The following NUP160 variants were observed in gnomAD, a reference collection of about 807,000 sequenced individuals.
The protein encoded by NUP160 is nuclear pore complex protein Nup160.
Under a neutral mutation model 196.9 loss-of-function variants are expected in NUP160, and 94 were observed. That is an observed-to-expected ratio of 0.48 (90% CI 0.40 to 0.57). The LOEUF is 0.57. Among genes scored for constraint, NUP160 ranks in the 20% least tolerant of loss-of-function variants. NUP160 has a pLI of 0.00. For missense variants in NUP160, 1,638 were observed against 1,748.3 expected, an observed-to-expected ratio of 0.94 and a Z score of 1.13; for synonymous variants, 605 against 619.7, an observed-to-expected ratio of 0.98 and a Z score of 0.35.
chr11:47,821,671 T>G (rs900566667), intron 9 of NUP160, 53 bp downstream of exon 9: 2 of 1,356,176 alleles, frequency 1.5e-6, no homozygotes, highest in Non-Finnish European at 2.1e-6. Context: ...CTCGTCTTCT[T>G]AGCATGAAAT....
chr11:47,824,478 C>G (rs917064992), intron 7 of NUP160, among the ~76,000 whole-genome samples: 2 of 151,848 alleles, frequency 1.3e-5, no homozygotes, highest in South Asian at 2.1e-4. Context: ...GGCGCAGTGG[C>G]ACGTACCTGT....
chr11:47,789,938 A>G (rs1158807362), intron 29 of NUP160, among the ~76,000 whole-genome samples: 1 of 145,208 alleles, frequency 6.9e-6, no homozygotes, highest in African/African-American at 2.5e-5. Context: ...TATTTTATAT[A>G]CTGTACTTTT....
At chr11:47,802,604 C>T (rs904404865) in intron 22 of NUP160, among the ~76,000 whole-genome samples, 3 of 152,018 alleles carry the variant, frequency 2.0e-5, no homozygotes, top group Non-Finnish European at 4.4e-5. Context: ...TGTAATAGAA[C>T]ATCAGGGAAA....
intron 11 of NUP160, 27 bp from the exon 12 acceptor site, chr11:47,816,056 C>A: frequency 6.7e-7 from 1 of 1,487,808 alleles, no homozygotes; most frequent in Non-Finnish European, 9.4e-7. Flanking sequence ...TTTTAGACTT[C>A]TATATAATAG....
At chr11:47,806,351 A>G (rs1253507279) in intron 19 of NUP160, 39 bp from the exon 20 acceptor site, 4 of 1,491,746 alleles carry the variant, frequency 2.7e-6, no homozygotes, top group African/African-American at 1.4e-5. Context: ...GTGTAGTGGT[A>G]ATTATCAATT....
At chr11:47,783,272 G>A in intron 33 of NUP160, 74 bp from the exon 34 acceptor site, 2 of 1,519,124 alleles carry the variant, frequency 1.3e-6, no homozygotes, top group Non-Finnish European at 1.8e-6. Flanking sequence ...AATGTTGAGT[G>A]GCTGATTCCC....
chr11:47,788,686 T>C, intron 29 of NUP160, 75 bp from the exon 30 acceptor site: 1 of 865,592 alleles, frequency 1.2e-6, no homozygotes, highest in Non-Finnish European at 1.9e-6. Flanking sequence ...AACCTGTCAA[T>C]TTCCACTGAA....
chr11:47,779,441 C>A, intron 35 of NUP160: 1 of 486,656 alleles, frequency 2.1e-6, no homozygotes, highest in Non-Finnish European at 3.8e-6. Context: ...GAAATCGTAC[C>A]AGTATTTCTA....
At chr11:47,804,274 ATTTTATTACTTTCTTTAAAAGCC>A in intron 21 of NUP160, 1 of 314,788 alleles carries the variant, frequency 3.2e-6, no homozygotes, top group Non-Finnish European at 5.7e-6. Flanking sequence ...TTAAAAATTT[ATTTTATTACTTTCTTTAAAAGCC>A]TTTAGAACCA....
chr11:47,820,620 T>C (rs1055076497), intron 9 of NUP160, among the ~76,000 whole-genome samples: 23 of 152,090 alleles, frequency 1.5e-4, no homozygotes, highest in African/African-American at 5.3e-4. Flanking sequence ...GGCATGATCT[T>C]GGCTCACTGC....
At chr11:47,798,567 GT>G (rs1271561051) in intron 23 of NUP160, 104 bp from the exon 24 acceptor site, 1 of 677,294 alleles carries the variant, frequency 1.5e-6, no homozygotes, top group African/African-American at 1.8e-5. Context: ...GGCCGGCATG[GT>G]GGCTCACACC....
rs1275746325 is a variant in NUP160, at chr11:47,815,928, T to A, written c.1515+18A>T. ...CAAGATGGAAGGAATTCTTATTCTT[T>A]CTCTACCCAAGCCTCACCTCATTTT... On this transcript the variant is annotated intron_variant, in intron 12 of 35. Transcript: ENST00000378460. 3 of 1,588,264 alleles carry A rather than the reference T, an allele frequency of 1.9e-6. No homozygotes were observed. Among genetic ancestry groups the A allele is most frequent in the Non-Finnish European group, 1.7e-6 (2 of 1,157,798 alleles).
intron 20 of NUP160, among the ~76,000 whole-genome samples, chr11:47,805,839 GAGA>G (rs751905404): frequency 1.9e-3 from 291 of 149,946 alleles, no homozygotes; most frequent in Middle Eastern, 0.014. Flanking sequence ...TTTTTTTTTT[GAGA>G]AGGAGTCTTG....
At chr11:47,822,185 C>T in intron 7 of NUP160, 21 bp from the exon 8 acceptor site, 1 of 1,457,532 alleles carries the variant, frequency 6.9e-7, no homozygotes, top group African/African-American at 1.4e-5. Flanking sequence ...ACAAGATGAT[C>T]ATTTATTACC....
intron 31 of NUP160, 60 bp downstream of exon 31, chr11:47,788,122 G>A: frequency 7.0e-7 from 1 of 1,432,970 alleles, no homozygotes; most frequent in Non-Finnish European, 9.7e-7. Flanking sequence ...GTTTCACACT[G>A]AGCAAGAGGA....
intron 7 of NUP160, among the ~76,000 whole-genome samples, chr11:47,829,980 G>C (rs553811850): frequency 1.3e-5 from 2 of 152,284 alleles, no homozygotes; most frequent in South Asian, 4.1e-4. Context: ...TCTGACGAGG[G>C]TCTGATTTCC....
chr11:47,803,518 G>A (rs757527150), exon 22 of NUP160: 15 of 1,607,428 alleles, frequency 9.3e-6, no homozygotes, highest in Middle Eastern at 1.7e-4. Flanking sequence ...CACCAGGGAT[G>A]TAGCAGTTGA....
chr11:47,805,056 T>C (rs1461598587), intron 20 of NUP160, among the ~76,000 whole-genome samples: 2 of 152,204 alleles, frequency 1.3e-5, no homozygotes, highest in East Asian at 3.8e-4. Flanking sequence ...GAACACAGTA[T>C]TGGTGCCAGT....
chr11:47,816,042 G>A lies in NUP160; in HGVS notation c.1432-13C>T. The A allele has an allele frequency of 6.4e-7, 1 of 1,574,530 alleles. No homozygotes were observed. Among genetic ancestry groups the A allele is most frequent in the Admixed American group, 1.7e-5 (1 of 59,862 alleles). The stretch of plus-strand genomic sequence containing the variant: ...CTCGGCAGAAAATCTAACATTAAAA[G>A]ACATTTTAGACTTCTATATAATAGC... On this transcript the variant is annotated splice_polypyrimidine_tract_variant and intron_variant, in intron 11 of 35. Transcript: ENST00000378460.
Sources: gnomAD v4.1 joint callset for allele counts (sites outside exome capture counted in the v4.1 genomes callset) on GRCh38, gnomAD v4.1.1 for gene constraint, MANE v1.5 for transcripts, NCBI Gene and HGNC (gene_info 2026-07-23, HGNC 2026-07-21) for gene names.